Variants in SOX6 observed in about 807,000 individuals in gnomAD.
The protein encoded by SOX6 is SRY-box transcription factor 6, also known as transcription factor SOX-6.
In SOX6, 11 loss-of-function variants were observed where a neutral mutation model predicts 97.8. The ratio of observed to expected loss-of-function variants is 0.11; its 90% CI spans 0.07 to 0.19. The LOEUF is 0.19. SOX6 is among the 10% of genes least tolerant of loss of function. The pLI is 1.00. For missense variants in SOX6, 810 were observed against 1,039.5 expected (o/e 0.78, Z 3.04); for synonymous variants, 360 against 371.4 (o/e 0.97, Z 0.35).
chr11:16,288,050 C>G (rs992786520), intron 3 of SOX6, among the ~76,000 whole-genome samples: 1 of 152,086 alleles, frequency 6.6e-6, no homozygotes, highest in African/African-American at 2.4e-5. Context: ...TTTGTGCTGC[C>G]TTTCATACTT....
intron 3 of SOX6, among the ~76,000 whole-genome samples, chr11:16,710,904 C>A (rs1170514917): frequency 6.6e-6 from 1 of 152,200 alleles, no homozygotes; most frequent in Non-Finnish European, 1.5e-5. Context: ...TGCCTACCCA[C>A]CCAAATCTGT....
At chr11:16,443,260 T>G (rs73433560) in intron 1 of SOX6, among the ~76,000 whole-genome samples, 5,153 of 152,270 alleles carry the variant, frequency 0.034, 257 homozygotes, top group African/African-American at 0.11. Context: ...CTGCTATGAT[T>G]TCTCCTTTAC....
chr11:16,028,750 G>C (rs1446840136), intron 12 of SOX6, among the ~76,000 whole-genome samples: 1 of 152,148 alleles, frequency 6.6e-6, no homozygotes, highest in African/African-American at 2.4e-5. Context: ...TGTCATCAGA[G>C]AGCCAGCAAA....
intron 2 of SOX6, among the ~76,000 whole-genome samples, chr11:16,334,247 GA>G (rs1856394064): frequency 6.6e-6 from 1 of 151,780 alleles, no homozygotes; most frequent in African/African-American, 2.4e-5. Flanking sequence ...AAATACAAAA[GA>G]AATGCAAAAA....
At chr11:16,106,362 ATG>A (rs1046324842) in intron 7 of SOX6, among the ~76,000 whole-genome samples, 5 of 151,474 alleles carry the variant, frequency 3.3e-5, no homozygotes, top group African/African-American at 4.9e-5. Flanking sequence ...ATATATACAT[ATG>A]TGTGTGTGTA....
At chr11:16,737,961 GGCCCCTACTGTAACGGT>G (rs1848406630) in intron 1 of SOX6, among the ~76,000 whole-genome samples, 1 of 151,596 alleles carries the variant, frequency 6.6e-6, no homozygotes, top group South Asian at 2.1e-4. Flanking sequence ...GCTTGGTGAA[GGCCCCTACTGTAACGGT>G]GCCCAGACAT....
intron 3 of SOX6, among the ~76,000 whole-genome samples, chr11:16,242,812 A>T (rs1853233118): frequency 6.6e-6 from 1 of 151,982 alleles, no homozygotes; most frequent in Non-Finnish European, 1.5e-5. Context: ...TACTTTATAT[A>T]TTGGCAATCC....
intron 1 of SOX6, among the ~76,000 whole-genome samples, chr11:16,344,307 G>GT (rs959284084): frequency 6.6e-6 from 1 of 151,740 alleles, no homozygotes; most frequent in Non-Finnish European, 1.5e-5. Flanking sequence ...TGCACAAATT[G>GT]TTTTTAATGC....
intron 1 of SOX6, chr11:16,402,600 A>G: frequency 2.0e-6 from 3 of 1,510,970 alleles, no homozygotes; most frequent in Non-Finnish European, 1.8e-6. Context: ...CGCTTTGTTT[A>G]ATGAAAGCAG....
chr11:16,359,626 A>G (rs996118817), upstream of SOX6, among the ~76,000 whole-genome samples: 1 of 151,954 alleles, frequency 6.6e-6, no homozygotes, highest in Non-Finnish European at 1.5e-5. Flanking sequence ...GTTCCTCTCT[A>G]CCTCTACGTT....
chr11:16,114,996 G>T (rs1291532720), intron 6 of SOX6, among the ~76,000 whole-genome samples: 3 of 152,046 alleles, frequency 2.0e-5, no homozygotes, highest in Non-Finnish European at 4.4e-5. Flanking sequence ...AAGAGCTGTA[G>T]GTGTTTCATA....
intron 4 of SOX6, among the ~76,000 whole-genome samples, chr11:16,499,325 T>G (rs1860662088): frequency 6.6e-6 from 1 of 151,690 alleles, no homozygotes; most frequent in Non-Finnish European, 1.5e-5. Context: ...AGAGGGAAAT[T>G]TATAGCACTA....
intron 4 of SOX6, chr11:16,484,405 A>G (rs985600776): frequency 3.8e-6 from 3 of 790,010 alleles, no homozygotes; most frequent in Non-Finnish European, 7.0e-6. Flanking sequence ...AGGCTCCTTT[A>G]ACCAGGCCCT....
chr11:16,385,905 A>G (rs1226179455), intron 1 of SOX6, among the ~76,000 whole-genome samples: 1 of 152,182 alleles, frequency 6.6e-6, no homozygotes, highest in African/African-American at 2.4e-5. Flanking sequence ...ACTAGCTAAT[A>G]GTCATTCAAA....
At chr11:16,106,638 C>T (rs1398061496) in intron 7 of SOX6, among the ~76,000 whole-genome samples, 1 of 151,614 alleles carries the variant, frequency 6.6e-6, no homozygotes, top group East Asian at 1.9e-4. Flanking sequence ...AAAACTAAAC[C>T]CTTAGAAGAA....
chr11:16,026,979 T>C (rs943103751), intron 12 of SOX6, among the ~76,000 whole-genome samples: 5 of 152,164 alleles, frequency 3.3e-5, no homozygotes, highest in Middle Eastern at 3.2e-3. Context: ...GTGTTAATTG[T>C]ATGGTTTTCC....
chr11:16,702,076 A>ATCAATTCAGT (rs1199868329), intron 3 of SOX6, among the ~76,000 whole-genome samples: 1 of 152,228 alleles, frequency 6.6e-6, no homozygotes, highest in African/African-American at 2.4e-5. Flanking sequence ...CCACCCTAAT[A>ATCAATTCAGT]TCAATTCAGT....
chr11:16,040,241 T>C (rs1361913031), intron 12 of SOX6, among the ~76,000 whole-genome samples: 1 of 152,028 alleles, frequency 6.6e-6, no homozygotes, highest in Non-Finnish European at 1.5e-5. Context: ...CTTGTACACT[T>C]ATATATAAAT....
intron 3 of SOX6, among the ~76,000 whole-genome samples, chr11:16,689,665 A>G (rs1847997625): frequency 6.6e-6 from 1 of 152,200 alleles, no homozygotes; most frequent in Admixed American, 6.5e-5. Context: ...AAATATTTAA[A>G]AAGTTTACTA....
Sources: allele counts gnomAD v4.1 joint callset (sites outside exome capture counted in the v4.1 genomes callset), GRCh38; gene constraint gnomAD v4.1.1; transcripts MANE v1.5; gene names NCBI Gene and HGNC (gene_info 2026-07-23, HGNC 2026-07-21).